Variants in ZNF233 observed in about 807,000 individuals in gnomAD.
ZNF233 encodes zinc finger protein 233.
ZNF233 carries 7 observed loss-of-function variants against 11.6 expected under a neutral mutation model. The ratio of observed to expected loss-of-function variants is 0.60; its 90% CI spans 0.34 to 1.13. ZNF233 has a LOEUF of 1.13. Ranked by LOEUF, ZNF233 falls within the 50% of genes most tolerant of loss-of-function variation. The pLI is 0.03. For synonymous variants in ZNF233, 226 were observed against 268.5 expected (o/e 0.84, Z 1.55); for missense variants, 711 against 785.5 (o/e 0.91, Z 1.13).
At chr19:44,261,409 G>A (rs917305583) in intron 1 of ZNF233, among the ~76,000 whole-genome samples, 4 of 151,998 alleles carry the variant, frequency 2.6e-5, no homozygotes, top group Non-Finnish European at 5.9e-5. Flanking sequence ...GCCTGGGCAA[G>A]AGAGTGAGAG....
chr19:44,274,253 A>G lies in ZNF233; in HGVS notation c.1593A>G (p.Lys531=). The change falls in exon 5 of 5, where the codon AAA becomes AAG. Residue 531 remains lysine (K), a synonymous_variant. Transcript: ENST00000683810. ...TTCAGGCCCATCAGAGAGTTCACAA[A>G]GGAGAGAAGCCATACAAATGTGAGA... is the stretch of plus-strand genomic sequence containing the variant. ...SHLQAHQRVH[K]GEKPYKCETC... The G allele has an allele frequency of 6.2e-7, 1 of 1,610,118 alleles. No individual in the cohort carries two copies. Among genetic ancestry groups the G allele is most frequent in the African/African-American group, 1.3e-5 (1 of 74,878 alleles).
At chr19:44,267,093 G>C (rs1270166068) in intron 4 of ZNF233, 132 bp downstream of exon 4, 1 of 585,246 alleles carries the variant, frequency 1.7e-6, no homozygotes, top group Non-Finnish European at 3.0e-6. Flanking sequence ...GCTTGCACAT[G>C]ACCTTCCTCC....
At chr19:44,270,312 C>G (rs1975201591) in intron 4 of ZNF233, among the ~76,000 whole-genome samples, 1 of 141,990 alleles carries the variant, frequency 7.0e-6, no homozygotes, top group African/African-American at 2.6e-5. Flanking sequence ...AGTTTGAGAC[C>G]AGCCTGGCCA....
intron 4 of ZNF233, chr19:44,268,114 A>G (rs1599875490): frequency 1.3e-5 from 2 of 152,216 alleles, no homozygotes; most frequent in African/African-American, 4.8e-5. Flanking sequence ...ACTGCACTGT[A>G]GCCTGGGCGA....
chr19:44,274,451 T>A lies in ZNF233; in HGVS notation c.1791T>A (p.Cys597Ter). 1 of 1,614,122 alleles carries A rather than the reference T, an allele frequency of 6.2e-7. No individual in the cohort carries two copies. ...TGEKPYKCEE[C>*]RKGFIWNSYL... is the part of the protein sequence containing the mutation. ...AGAAACCATACAAATGTGAAGAATGTAGGAAAGGCTTCATCTGGAACTCAT... is the reference window on the plus strand; with the variant it reads ...AGAAACCATACAAATGTGAAGAATGAAGGAAAGGCTTCATCTGGAACTCAT... The change falls in exon 5 of 5, where the codon TGT (cysteine) becomes TGA (stop). Residue 597 changes from cysteine to a stop codon, truncating the protein, a stop_gained. Transcript: ENST00000683810. LOFTEE classifies it low-confidence loss of function (END_TRUNC).
intron 1 of ZNF233, among the ~76,000 whole-genome samples, chr19:44,260,885 C>T (rs555973611): frequency 2.6e-5 from 4 of 152,234 alleles, no homozygotes; most frequent in African/African-American, 7.2e-5. Context: ...GGCATGTGTT[C>T]GTGAATGAGT....
At chr19:44,270,980 G>A (rs1180970246) in intron 4 of ZNF233, among the ~76,000 whole-genome samples, 2 of 152,118 alleles carry the variant, frequency 1.3e-5, no homozygotes, top group African/African-American at 4.8e-5. Flanking sequence ...ATTCCAATGG[G>A]GAGTGATCAC....
chr19:44,272,830 G>A (rs1975273035), intron 4 of ZNF233, 69 bp from the exon 5 acceptor site: 8 of 1,166,880 alleles, frequency 6.9e-6, no homozygotes, highest in Middle Eastern at 2.5e-4. Context: ...CCTGTGAAAT[G>A]TTTTTTTATT....
chr19:44,268,688 C>T (rs1173358225), intron 4 of ZNF233, among the ~76,000 whole-genome samples: 1 of 152,188 alleles, frequency 6.6e-6, no homozygotes, highest in Non-Finnish European at 1.5e-5. Flanking sequence ...GATCTCCCAA[C>T]CTGTGGTATC....
chr19:44,274,249 A>C lies in ZNF233; in HGVS notation c.1589A>C (p.His530Pro). The C allele has an allele frequency of 6.2e-7, 1 of 1,609,936 alleles. No homozygotes were observed. Among genetic ancestry groups the C allele is most frequent in the East Asian group, 2.2e-5 (1 of 44,824 alleles). Residue 530 changes from histidine (H) to proline (P), a missense_variant, in exon 5 of 5, where the codon CAC (histidine) becomes CCC (proline). Transcript: ENST00000683810. ...ISHLQAHQRVHKGEKPYKCET... is the reference protein window; with the variant it reads ...ISHLQAHQRVPKGEKPYKCET... ...CATCTTCAGGCCCATCAGAGAGTTC[A>C]CAAAGGAGAGAAGCCATACAAATGT...
At chr19:44,264,458 A>G (rs982430277) in intron 2 of ZNF233, 83 bp downstream of exon 2, 15 of 1,373,230 alleles carry the variant, frequency 1.1e-5, no homozygotes, top group African/African-American at 1.5e-5. Flanking sequence ...CTTCCTTGGG[A>G]AAGATAAAGG....
chr19:44,266,777 A>C (rs1568633958), intron 3 of ZNF233, 89 bp from the exon 4 acceptor site: 1 of 924,046 alleles, frequency 1.1e-6, no homozygotes, highest in Non-Finnish European at 1.7e-6. Flanking sequence ...GAAAAATACT[A>C]CTTAGAGCGC....
At chr19:44,271,567 T>C (rs933662824) in intron 4 of ZNF233, among the ~76,000 whole-genome samples, 1 of 151,942 alleles carries the variant, frequency 6.6e-6, no homozygotes, top group African/African-American at 2.4e-5. Flanking sequence ...TTGAGTGCAG[T>C]GGCACGATCT....
intron 1 of ZNF233, among the ~76,000 whole-genome samples, chr19:44,264,040 C>T (rs1172707552): frequency 1.3e-5 from 2 of 152,210 alleles, no homozygotes; most frequent in Non-Finnish European, 2.9e-5. Flanking sequence ...CCAGAATCCA[C>T]TTTTGTAGCC....
chr19:44,268,330 T>C (rs1413255217), intron 4 of ZNF233: 4 of 152,198 alleles, frequency 2.6e-5, no homozygotes, highest in Non-Finnish European at 5.9e-5. Context: ...GTAAGAATTT[T>C]ACCTGTTTTC....
At chr19:44,270,346 T>TAAAAAA (rs398034740) in intron 4 of ZNF233, among the ~76,000 whole-genome samples, 5 of 72,714 alleles carry the variant, frequency 6.9e-5, no homozygotes, top group African/African-American at 1.8e-4. Flanking sequence ...CCATCTATAC[T>TAAAAAA]AAAAAAAAAA....
At position 44,275,043 on chromosome 19, in the gene ZNF233, T is replaced by C; in HGVS notation, c.*370T>C. Reference sequence around the variant, plus strand: ...TTTAGCAAAAGTATAATGAGGGACATGACAAAATCTGTGTCCACTAGAATC... The same window carrying C: ...TTTAGCAAAAGTATAATGAGGGACACGACAAAATCTGTGTCCACTAGAATC... On this transcript the variant is annotated 3_prime_UTR_variant, in exon 5 of 5. Coordinates refer to ENST00000683810, the MANE Select transcript of ZNF233 (RefSeq NM_001207005.2). 3 of 406,760 alleles carry C rather than the reference T, an allele frequency of 7.4e-6. No individual in the cohort carries two copies. Among genetic ancestry groups the C allele is most frequent in the Non-Finnish European group, 8.7e-6 (2 of 230,152 alleles). 25.2% of individuals were successfully genotyped at this position (406,760 alleles called of 1,614,324 possible).
chr19:44,273,785 T>C lies in ZNF233; in HGVS notation c.1125T>C (p.Cys375=). ...AGAAGTTGTGTACATGTGGCAGGTG[T>C]GGGAAGGGCTTCCATCATAGCTTAG... The part of the protein sequence containing the change: ...PGEKLCTCGR[C]GKGFHHSLDF... The change falls in exon 5 of 5, where the codon TGT becomes TGC. Residue 375 remains cysteine (C), a synonymous_variant. Transcript: ENST00000683810. The C allele has an allele frequency of 6.2e-7, 1 of 1,614,152 alleles. No homozygotes were observed. Among genetic ancestry groups the C allele is most frequent in the Non-Finnish European group, 8.5e-7 (1 of 1,180,024 alleles).
At chr19:44,261,761 C>T (rs1599870449) in intron 1 of ZNF233, among the ~76,000 whole-genome samples, 1 of 150,272 alleles carries the variant, frequency 6.7e-6, no homozygotes, top group African/African-American at 2.5e-5. Flanking sequence ...AAGTGATTCT[C>T]GTGCCTCAGC....
Sources: allele counts gnomAD v4.1 joint callset (sites outside exome capture counted in the v4.1 genomes callset), GRCh38; gene constraint gnomAD v4.1.1; transcripts MANE v1.5; gene names NCBI Gene and HGNC (gene_info 2026-07-23, HGNC 2026-07-21).